Variants in NPB observed in about 807,000 individuals in gnomAD.
NPB encodes the protein prepro-NPB.
Under a neutral mutation model 6.7 loss-of-function variants are expected in NPB, and 8 were observed. That is an observed-to-expected ratio of 1.20 (90% CI 0.71 to 2.17). The LOEUF (loss-of-function observed/expected upper bound fraction) is 2.17. Among genes scored for constraint, NPB ranks in the 30% most tolerant of loss-of-function variants. The probability of loss-of-function intolerance (pLI) is 0.00; values close to 1 mark genes in which losing one functional copy is unlikely to be tolerated. For missense variants in NPB, 199 were observed against 190.2 expected (o/e 1.05, Z -0.27); for synonymous variants, 118 against 103.4 (o/e 1.14, Z -0.86).
rs747495651 is a variant in NPB, at chr17:81,902,611, GC to G, written c.250-3del. 140 of 1,568,670 alleles carry G rather than the reference GC, an allele frequency of 8.9e-5. No individual in the cohort carries two copies. The highest frequency in any genetic ancestry group is 1.7e-4 in the African/African-American group (12 of 72,060). On this transcript the variant is annotated splice_polypyrimidine_tract_variant and splice_region_variant and intron_variant, in intron 1 of 1. Coordinates refer to ENST00000333383, the MANE Select transcript of NPB (RefSeq NM_148896.5). Reference sequence around the variant, plus strand: ...GCGGCCCCTCAGCCTTTGCTTGCCTGCCCCCCAGGCTGTGTGCGTCCAGGAC... The same window carrying G: ...GCGGCCCCTCAGCCTTTGCTTGCCTGCCCCCAGGCTGTGTGCGTCCAGGAC...
At position 81,902,267 on chromosome 17, in the gene NPB, C is replaced by T. The variant is rs1353132736; in HGVS notation, c.-11C>T. 9 of 1,250,234 alleles carry T rather than the reference C, an allele frequency of 7.2e-6. No homozygotes were observed. The highest frequency in any genetic ancestry group is 8.0e-6 in the Non-Finnish European group (8 of 999,596). 77.4% of individuals were successfully genotyped at this position (1,250,234 alleles called of 1,614,324 possible). A position where few individuals can be genotyped will look rare whatever the true frequency, so the allele number is the denominator to read the frequency against. On this transcript the variant is annotated 5_prime_UTR_variant, in exon 1 of 2. Transcript: ENST00000333383. ...CCGGACGCCGCCGCCCACCAGTCAG[C>T]CGGCGTCCCCATGGCCCGGTCCGCG...
In NPB at chr17:81,902,257, CACCA is replaced by C; in HGVS notation, c.-20_-17del. 1 of 1,237,550 alleles carries C rather than the reference CACCA, an allele frequency of 8.1e-7. No individual in the cohort carries two copies. The highest frequency in any genetic ancestry group is 1.0e-6 in the Non-Finnish European group (1 of 991,470). 76.7% of individuals were successfully genotyped at this position (1,237,550 alleles called of 1,614,324 possible). ...TGCTCCGAGCCCGGACGCCGCCGCC[CACCA>C]GTCAGCCGGCGTCCCCATGGCCCGG... is the stretch of plus-strand genomic sequence containing the variant. On this transcript the variant is annotated 5_prime_UTR_variant, in exon 1 of 2. Transcript: ENST00000333383.
Position 81,902,515 on chromosome 17 carries a change from C to T in NPB, c.238C>T (p.Leu80=), listed in dbSNP as rs533951965. The T allele has an allele frequency of 6.9e-7, 1 of 1,446,728 alleles. No individual in the cohort carries two copies. Among genetic ancestry groups the T allele is most frequent in the Admixed American group, 2.8e-5 (1 of 35,818 alleles). 89.6% of individuals were successfully genotyped at this position (1,446,728 alleles called of 1,614,324 possible). A position where few individuals can be genotyped will look rare whatever the true frequency, so the allele number is the denominator to read the frequency against. Residue 80 remains leucine, a synonymous_variant, in exon 1 of 2, where the codon CTG becomes TTG. Coordinates refer to ENST00000333383, the MANE Select transcript of NPB (RefSeq NM_148896.5). ...CCCGGAGCTGCAACTGCACCCCAGG[C>T]TGCGGAGCCTCGTGAGTCCGGCGTG... ...ASPELQLHPR[L]RSLAVCVQDV... is the part of the protein sequence containing the mutation.
Position 81,902,621 on chromosome 17 carries a change from C to T in NPB, c.251C>T (p.Ala84Val), listed in dbSNP as rs762750367. The T allele has an allele frequency of 1.3e-6, 2 of 1,588,406 alleles. No individual in the cohort carries two copies. Among genetic ancestry groups the T allele is most frequent in the South Asian group, 1.1e-5 (1 of 88,048 alleles). Residue 84 changes from alanine to valine, a missense_variant and splice_region_variant, in exon 2 of 2, where the codon GCT becomes GTT. Physicochemically the swap from Ala to Val is moderately conservative, Grantham distance 64. Transcript: ENST00000333383. ...LQLHPRLRSL[A>V]VCVQDVAPNL... ...AGCCTTTGCTTGCCTGCCCCCCAGG[C>T]TGTGTGCGTCCAGGACGTCGCCCCA... is the stretch of plus-strand genomic sequence containing the variant.
At position 81,902,383 on chromosome 17, in the gene NPB, T is replaced by C; in HGVS notation, c.106T>C (p.Ser36Pro). 3 of 1,343,008 alleles carry C rather than the reference T, an allele frequency of 2.2e-6. No individual in the cohort carries two copies. Among genetic ancestry groups the C allele is most frequent in the Non-Finnish European group, 2.8e-6 (3 of 1,054,250 alleles). The allele number at this position is 1,343,008 out of a possible 1,614,324, so 83.2% of individuals were successfully genotyped here. Reference protein sequence around the residue: ...YKPAAGHSSYSVGRAAGLLSG... With the variant: ...YKPAAGHSSYPVGRAAGLLSG... ...GCCAGCGGCGGGGCACAGCTCCTAC[T>C]CGGTGGGCCGCGCCGCGGGGCTGCT... is the stretch of plus-strand genomic sequence containing the variant. Residue 36 changes from serine (S) to proline (P), a missense_variant, in exon 1 of 2, where the codon TCG becomes CCG. Coordinates refer to ENST00000333383, the MANE Select transcript of NPB (RefSeq NM_148896.5).
Position 81,902,251 on chromosome 17 carries a change from G to A in NPB, c.-27G>A, listed in dbSNP as rs1371513319. On this transcript the variant is annotated 5_prime_UTR_variant, in exon 1 of 2. Transcript: ENST00000333383. ...GGTGGCTGCTCCGAGCCCGGACGCC[G>A]CCGCCCACCAGTCAGCCGGCGTCCC... 10 of 1,230,946 alleles carry A rather than the reference G, an allele frequency of 8.1e-6. No individual in the cohort carries two copies. Among genetic ancestry groups the A allele is most frequent in the South Asian group, 3.6e-5 (1 of 27,842 alleles). 76.3% of individuals were successfully genotyped at this position (1,230,946 alleles called of 1,614,324 possible). A position where few individuals can be genotyped will look rare whatever the true frequency, so the allele number is the denominator to read the frequency against.
intron 1 of NPB, 21 bp from the exon 2 acceptor site, chr17:81,902,599 C>T: frequency 6.4e-7 from 1 of 1,551,758 alleles, no homozygotes. Context: ...GCCCCTCAGC[C>T]TTTGCTTGCC....
chr17:81,902,616 C>A lies in NPB; in HGVS notation c.250-4C>A. ...CCCTCAGCCTTTGCTTGCCTGCCCC[C>A]CAGGCTGTGTGCGTCCAGGACGTCG... On this transcript the variant is annotated splice_polypyrimidine_tract_variant and splice_region_variant and intron_variant, in intron 1 of 1. Coordinates refer to ENST00000333383, the MANE Select transcript of NPB (RefSeq NM_148896.5). 6.3e-7 allele frequency: 1 copy of A among 1,581,488 alleles called. No homozygotes were observed. Among genetic ancestry groups the A allele is most frequent in the African/African-American group, 1.4e-5 (1 of 73,062 alleles).
At position 81,902,304 on chromosome 17, in the gene NPB, C is replaced by A. The variant is rs140557486; in HGVS notation, c.27C>A (p.Ala9=). 4,178 of 1,325,976 alleles carry A rather than the reference C, an allele frequency of 3.2e-3. 96 individuals are homozygous for A. The African/African-American group carries it at 0.058, about 18-fold the overall frequency. 82.1% of individuals were successfully genotyped at this position (1,325,976 alleles called of 1,614,324 possible). The change falls in exon 1 of 2, where the codon GCC becomes GCA. Residue 9 remains alanine (A), a synonymous_variant. Transcript: ENST00000333383. ...TGGCCCGGTCCGCGACACTGGCGGC[C>A]GCCGCCCTGGCGCTGTGCCTGCTGC... MARSATLA[A]AALALCLLLA...
rs199704942 is a variant in NPB, at chr17:81,902,785, C to A, written c.*37C>A. On this transcript the variant is annotated 3_prime_UTR_variant, in exon 2 of 2. Transcript: ENST00000333383. ...TCCTGGCACCGCTGGGGGCCCCCCG[C>A]CCCCACCGTCCCACTCGGTGACCCC... 1.5e-3 allele frequency: 2,335 copies of A among 1,564,554 alleles called. 37 individuals are homozygous for A. The African/African-American group carries it at 0.028, about 19-fold the overall frequency.
Position 81,902,464 on chromosome 17 carries a change from G to A in NPB, c.187G>A (p.Glu63Lys). 1.4e-6 allele frequency: 2 copies of A among 1,388,454 alleles called. No individual in the cohort carries two copies. Among genetic ancestry groups the A allele is most frequent in the Non-Finnish European group, 1.9e-6 (2 of 1,080,552 alleles). The allele number at this position is 1,388,454 out of a possible 1,614,324, so 86.0% of individuals were successfully genotyped here. A position where few individuals can be genotyped will look rare whatever the true frequency, so the allele number is the denominator to read the frequency against. Residue 63 changes from glutamate to lysine, a missense_variant, in exon 1 of 2, where the codon GAA (glutamate) becomes AAA (lysine). Coordinates refer to ENST00000333383, the MANE Select transcript of NPB (RefSeq NM_148896.5). ...ARRSQPYRGA[E>K]PPGGAGASPE... ...GCGCTCCCAGCCCTACAGAGGGGCG[G>A]AACCCCCGGGCGGGGCCGGCGCCTC...
rs759767126 is a variant in NPB at position 81,902,762 on chromosome 17, C to G, written c.*14C>G. ...CTCGCCGCCTGAGCCCGGACCTCTCCTGGCACCGCTGGGGGCCCCCCGCCC... is the reference window on the plus strand; with the variant it reads ...CTCGCCGCCTGAGCCCGGACCTCTCGTGGCACCGCTGGGGGCCCCCCGCCC... On this transcript the variant is annotated 3_prime_UTR_variant, in exon 2 of 2. Transcript: ENST00000333383. 2 of 1,594,546 alleles carry G rather than the reference C, an allele frequency of 1.3e-6. No individual in the cohort carries two copies.
rs1406912113 is a variant in NPB, at chr17:81,902,772, T to C, written c.*24T>C. ...GAGCCCGGACCTCTCCTGGCACCGC[T>C]GGGGGCCCCCCGCCCCCACCGTCCC... On this transcript the variant is annotated 3_prime_UTR_variant, in exon 2 of 2. Coordinates refer to ENST00000333383, the MANE Select transcript of NPB (RefSeq NM_148896.5). 3 of 1,586,038 alleles carry C rather than the reference T, an allele frequency of 1.9e-6. No homozygotes were observed. Among genetic ancestry groups the C allele is most frequent in the Admixed American group, 3.5e-5 (2 of 56,842 alleles).
Position 81,902,264 on chromosome 17 carries a change from C to A in NPB, c.-14C>A. On this transcript the variant is annotated 5_prime_UTR_variant, in exon 1 of 2. Coordinates refer to ENST00000333383, the MANE Select transcript of NPB (RefSeq NM_148896.5). ...AGCCCGGACGCCGCCGCCCACCAGT[C>A]AGCCGGCGTCCCCATGGCCCGGTCC... is the stretch of plus-strand genomic sequence containing the variant. 8.0e-7 allele frequency: 1 copy of A among 1,243,258 alleles called. No homozygotes were observed. Among genetic ancestry groups the A allele is most frequent in the South Asian group, 3.4e-5 (1 of 29,592 alleles). The allele number at this position is 1,243,258 out of a possible 1,614,324, so 77.0% of individuals were successfully genotyped here. A position where few individuals can be genotyped will look rare whatever the true frequency, so the allele number is the denominator to read the frequency against.
Position 81,902,739 on chromosome 17 carries a change from CG to C in NPB, c.370del (p.Ala124ProfsTer22), listed in dbSNP as rs748435349. 2 of 1,606,528 alleles carry C rather than the reference CG, an allele frequency of 1.2e-6. No homozygotes were observed. On this transcript the variant is annotated frameshift_variant, in exon 2 of 2. Coordinates refer to ENST00000333383, the MANE Select transcript of NPB (RefSeq NM_148896.5). LOFTEE classifies it high-confidence loss of function. ...FLSLRAADCL[A>X]A Reference sequence around the variant, plus strand: ...TGTCCCTGCGCGCAGCCGACTGCCTCGCCGCCTGAGCCCGGACCTCTCCTGG... The same window carrying C: ...TGTCCCTGCGCGCAGCCGACTGCCTCCCGCCTGAGCCCGGACCTCTCCTGG...
At position 81,902,753 on chromosome 17, in the gene NPB, G is replaced by C; in HGVS notation, c.*5G>C. The stretch of plus-strand genomic sequence containing the variant: ...GCCGACTGCCTCGCCGCCTGAGCCC[G>C]GACCTCTCCTGGCACCGCTGGGGGC... On this transcript the variant is annotated 3_prime_UTR_variant, in exon 2 of 2. Coordinates refer to ENST00000333383, the MANE Select transcript of NPB (RefSeq NM_148896.5). The C allele has an allele frequency of 1.9e-6, 3 of 1,603,510 alleles. No individual in the cohort carries two copies. Among genetic ancestry groups the C allele is most frequent in the Non-Finnish European group, 2.5e-6 (3 of 1,176,654 alleles).
chr17:81,902,240 GC>G lies in NPB; in HGVS notation c.-35del. ...GCGGCCCAGGCGGTGGCTGCTCCGA[GC>G]CCGGACGCCGCCGCCCACCAGTCAG... On this transcript the variant is annotated 5_prime_UTR_variant, in exon 1 of 2. Coordinates refer to ENST00000333383, the MANE Select transcript of NPB (RefSeq NM_148896.5). The G allele has an allele frequency of 8.1e-7, 1 of 1,227,608 alleles. No individual in the cohort carries two copies. Among genetic ancestry groups the G allele is most frequent in the South Asian group, 3.6e-5 (1 of 27,454 alleles). The allele number at this position is 1,227,608 out of a possible 1,614,324, so 76.0% of individuals were successfully genotyped here. A position where few individuals can be genotyped will look rare whatever the true frequency, so the allele number is the denominator to read the frequency against.
rs1481828273 is a variant in NPB at position 81,902,856 on chromosome 17, C to T, written c.*108C>T. 2.1e-6 allele frequency: 2 copies of T among 970,018 alleles called. No homozygotes were observed. Among genetic ancestry groups the T allele is most frequent in the African/African-American group, 3.4e-5 (2 of 58,652 alleles). 60.1% of individuals were successfully genotyped at this position (970,018 alleles called of 1,614,324 possible). A position where few individuals can be genotyped will look rare whatever the true frequency, so the allele number is the denominator to read the frequency against. On this transcript the variant is annotated 3_prime_UTR_variant, in exon 2 of 2. Coordinates refer to ENST00000333383, the MANE Select transcript of NPB (RefSeq NM_148896.5). ...GGCGCCCCAGGTCTCCCCTACTCCG[C>T]TCACCCCGCAGTTAATGGCAAACGA...
rs2040012786 is a variant in NPB at position 81,902,772 on chromosome 17, TG to T, written c.*29del. On this transcript the variant is annotated 3_prime_UTR_variant, in exon 2 of 2. Transcript: ENST00000333383. ...GAGCCCGGACCTCTCCTGGCACCGC[TG>T]GGGGCCCCCCGCCCCCACCGTCCCA... The T allele has an allele frequency of 3.8e-6, 6 of 1,585,992 alleles. No homozygotes were observed. Among genetic ancestry groups the T allele is most frequent in the South Asian group, 2.3e-5 (2 of 88,020 alleles).
Sources: gnomAD v4.1 joint callset for allele counts on GRCh38, gnomAD v4.1.1 for gene constraint, MANE v1.5 for transcripts, NCBI Gene and HGNC (gene_info 2026-07-23, HGNC 2026-07-21) for gene names.